The following OPRM1 variants were observed in gnomAD, a reference collection of about 807,000 sequenced individuals.
OPRM1 encodes mu-type opioid receptor.
OPRM1 carries 27 observed loss-of-function variants against 31.8 expected under a neutral mutation model. The ratio of observed to expected loss-of-function variants is 0.85; its 90% CI spans 0.63 to 1.17. The LOEUF is 1.17. Ranked by LOEUF, OPRM1 falls within the 50% of genes most tolerant of loss-of-function variation. The pLI, the probability that OPRM1 is intolerant of heterozygous loss-of-function variation, is 0.00. For missense variants in OPRM1, 536 were observed against 511.1 expected (o/e 1.05, Z -0.47); for synonymous variants, 196 against 189.9 (o/e 1.03, Z -0.26).
At chr6:154,053,733 G>A (rs191397430) in intron 1 of OPRM1, among the ~76,000 whole-genome samples, 14 of 152,252 alleles carry the variant, frequency 9.2e-5, no homozygotes, top group Non-Finnish European at 2.1e-4. Flanking sequence ...CATGCTCAGA[G>A]GAAACTTTCT....
chr6:154,018,958 T>A (rs1023537401), intron 1 of OPRM1, among the ~76,000 whole-genome samples: 1 of 151,918 alleles, frequency 6.6e-6, no homozygotes, highest in Admixed American at 6.6e-5. Context: ...TACTTTTTTT[T>A]ATTTTTTAAT....
intron 3 of OPRM1, among the ~76,000 whole-genome samples, chr6:154,174,685 A>T (rs138957585): frequency 2.0e-3 from 310 of 152,294 alleles, no homozygotes; most frequent in African/African-American, 6.9e-3. Flanking sequence ...GTCCTTAGAG[A>T]CCTACAAAGA....
chr6:154,095,722 G>A (rs1488435164), intron 3 of OPRM1, among the ~76,000 whole-genome samples: 1 of 152,080 alleles, frequency 6.6e-6, no homozygotes, highest in Non-Finnish European at 1.5e-5. Context: ...GCATGCCTGG[G>A]CTCAGCCTAC....
At position 154,039,720 on chromosome 6, in the gene OPRM1, G is replaced by A. The variant is rs773369458; in HGVS notation, c.176G>A (p.Cys59Tyr). 1.9e-6 allele frequency: 3 copies of A among 1,612,052 alleles called. No individual in the cohort carries two copies. The African/African-American group carries it at 4.0e-5, about 22-fold the overall frequency. The change falls in exon 1 of 4, where the codon TGC becomes TAC. Residue 59 changes from cysteine (C) to tyrosine (Y), a missense_variant. By Grantham distance (194) the Cys-to-Tyr change is radical. Transcript: ENST00000330432. The part of the protein sequence containing the change: ...RTDLGGRDSL[C>Y]PPTGSPSMIT... Reference sequence around the variant, plus strand: ...GACCTGGGCGGGAGAGACAGCCTGTGCCCTCCGACCGGCAGTCCCTCCATG... The same window carrying A: ...GACCTGGGCGGGAGAGACAGCCTGTACCCTCCGACCGGCAGTCCCTCCATG...
In OPRM1 at chr6:154,122,764, C is replaced by T. The variant is rs1294741439; in HGVS notation, c.*4043C>T. 1.3e-5 allele frequency among the ~76,000 whole-genome samples: 2 copies of T among 152,170 alleles called. No homozygotes were observed. Among genetic ancestry groups the T allele is most frequent in the African/African-American group, 2.4e-5 (1 of 41,452 alleles). ...CCCATATCAAATACCATTCTTAAAGCAGTAGACAGATGAGTCAAGTTCAAT... is the reference window on the plus strand; with the variant it reads ...CCCATATCAAATACCATTCTTAAAGTAGTAGACAGATGAGTCAAGTTCAAT... On this transcript the variant is annotated 3_prime_UTR_variant, in exon 4 of 4. Transcript: ENST00000330432.
At chr6:154,149,580 G>T (rs562220557) in intron 3 of OPRM1, among the ~76,000 whole-genome samples, 1 of 151,406 alleles carries the variant, frequency 6.6e-6, no homozygotes, top group African/African-American at 2.4e-5. Flanking sequence ...TCAGCCTTCT[G>T]CATATCCATT....
At chr6:154,178,864 G>A (rs1256749713) in intron 3 of OPRM1, among the ~76,000 whole-genome samples, 1 of 152,196 alleles carries the variant, frequency 6.6e-6, no homozygotes. Flanking sequence ...CTGAAAGACT[G>A]TGTGTCTGAC....
chr6:154,134,339 C>T (rs151296990), downstream of OPRM1, among the ~76,000 whole-genome samples: 2 of 152,268 alleles, frequency 1.3e-5, no homozygotes, highest in Non-Finnish European at 2.9e-5. Flanking sequence ...CAAAGCCAAC[C>T]AGATACTTCT....
At chr6:154,184,786 G>C (rs2128572923) in intron 3 of OPRM1, among the ~76,000 whole-genome samples, 1 of 152,190 alleles carries the variant, frequency 6.6e-6, no homozygotes, top group South Asian at 2.1e-4. Context: ...TCCAGATTGA[G>C]ATTTTATCAA....
intron 1 of OPRM1, among the ~76,000 whole-genome samples, chr6:154,058,808 A>G (rs1450195902): frequency 6.6e-6 from 1 of 152,146 alleles, no homozygotes; most frequent in African/African-American, 2.4e-5. Context: ...CCTTAAATAC[A>G]CTACATTAAA....
At chr6:154,191,661 G>GT (rs542428027) in intron 3 of OPRM1, among the ~76,000 whole-genome samples, 191 of 144,046 alleles carry the variant, frequency 1.3e-3, no homozygotes, top group African/African-American at 4.5e-3. Flanking sequence ...GTGACAGAGT[G>GT]AGACTTTGCC....
chr6:154,034,062 G>A (rs1779156308), intron 1 of OPRM1, among the ~76,000 whole-genome samples: 1 of 152,162 alleles, frequency 6.6e-6, no homozygotes, highest in African/African-American at 2.4e-5. Flanking sequence ...TCAGTAAAAT[G>A]TATTAATTGT....
chr6:154,028,293 A>C (rs1164472912), intron 1 of OPRM1, among the ~76,000 whole-genome samples: 1 of 152,138 alleles, frequency 6.6e-6, no homozygotes, highest in Non-Finnish European at 1.5e-5. Context: ...TACAGCCTGA[A>C]AAGAGAGCCT....
At chr6:154,069,095 T>G (rs1203359758) in intron 1 of OPRM1, among the ~76,000 whole-genome samples, 1 of 152,216 alleles carries the variant, frequency 6.6e-6, no homozygotes, top group Non-Finnish European at 1.5e-5. Context: ...TTATGTATTT[T>G]GGATATCAGC....
intron 1 of OPRM1, among the ~76,000 whole-genome samples, chr6:154,011,943 A>G (rs757485265): frequency 4.6e-5 from 7 of 152,142 alleles, no homozygotes; most frequent in Non-Finnish European, 1.0e-4. Flanking sequence ...TTCAAGCAAT[A>G]CTTCAACTGT....
chr6:154,100,404 T>C (rs1794660232), intron 3 of OPRM1, among the ~76,000 whole-genome samples: 1 of 151,580 alleles, frequency 6.6e-6, no homozygotes, highest in African/African-American at 2.4e-5. Context: ...GAGATAAGTA[T>C]GAATTTAAGG....
intron 3 of OPRM1, among the ~76,000 whole-genome samples, chr6:154,166,617 A>C (rs1799455699): frequency 6.6e-6 from 1 of 152,196 alleles, no homozygotes. Flanking sequence ...GTATTTTTGC[A>C]CTTCATTTTA....
rs192964557 is a variant in OPRM1, at chr6:154,039,690, G to T, written c.146G>T (p.Arg49Leu). 1.9e-6 allele frequency: 3 copies of T among 1,613,782 alleles called. No individual in the cohort carries two copies. The highest frequency in any genetic ancestry group is 2.2e-5 in the East Asian group (1 of 44,892). The change falls in exon 1 of 4, where the codon CGC (arginine) becomes CTC (leucine). Residue 49 changes from arginine (R) to leucine (L), a missense_variant. By Grantham distance (102) the Arg-to-Leu change is moderately radical. Transcript: ENST00000330432. ...GNLSDPCGPNRTDLGGRDSLC... is the reference protein window; with the variant it reads ...GNLSDPCGPNLTDLGGRDSLC... ...CTGTCCGACCCATGCGGTCCGAACC[G>T]CACCGACCTGGGCGGGAGAGACAGC...
In OPRM1 at chr6:154,119,709, CT is replaced by C. The variant is rs1047375978; in HGVS notation, c.*995del. On this transcript the variant is annotated 3_prime_UTR_variant, in exon 4 of 4. Transcript: ENST00000330432. ...TTGTTGATTGCCAGAACAGTTTAAACTTTTTTTAAACAATAAATCCAATAAA... is the reference window on the plus strand; with the variant it reads ...TTGTTGATTGCCAGAACAGTTTAAACTTTTTTAAACAATAAATCCAATAAA... Among the ~76,000 whole-genome samples the C allele has an allele frequency of 3.3e-5, 5 of 152,126 alleles. No homozygotes were observed. Among genetic ancestry groups the C allele is most frequent in the African/African-American group, 7.2e-5 (3 of 41,420 alleles).
Sources: allele counts gnomAD v4.1 joint callset (sites outside exome capture counted in the v4.1 genomes callset), GRCh38; gene constraint gnomAD v4.1.1; transcripts MANE v1.5; gene names NCBI Gene and HGNC (gene_info 2026-07-23, HGNC 2026-07-21).